ITGA2: variants seen among roughly 807,000 people sequenced by gnomAD.
ITGA2 encodes the protein integrin alpha-2.
Under a neutral mutation model 146.3 loss-of-function variants are expected in ITGA2, and 101 were observed. The observed-to-expected ratio is 0.69, with a 90% confidence interval of 0.59 to 0.81. ITGA2 has a LOEUF of 0.81. ITGA2 is among the 40% of genes least tolerant of loss of function. The pLI, the probability that ITGA2 is intolerant of heterozygous loss-of-function variation, is 0.00. For synonymous variants in ITGA2, 477 were observed against 487.1 expected, an observed-to-expected ratio of 0.98 and a Z score of 0.27; for missense variants, 1,281 against 1,402.7, an observed-to-expected ratio of 0.91 and a Z score of 1.39.
At chr5:53,083,950 C>T (rs985413913) in intron 27 of ITGA2, among the ~76,000 whole-genome samples, 15 of 152,306 alleles carry the variant, frequency 9.8e-5, no homozygotes, top group African/African-American at 2.9e-4. Flanking sequence ...CAGGTCATCA[C>T]CCTGCTCTCC....
chr5:53,062,846 G>A lies in ITGA2; in HGVS notation c.1519G>A (p.Asp507Asn). ...TGATGTGGATAAAGACACCATTACAGACGTGCTCTTGGTAGGTGCACCAAT... is the reference window on the plus strand; with the variant it reads ...TGATGTGGATAAAGACACCATTACAAACGTGCTCTTGGTAGGTGCACCAAT... ...SVDVDKDTITDVLLVGAPMYM... is the reference protein window; with the variant it reads ...SVDVDKDTITNVLLVGAPMYM... The change falls in exon 13 of 30, where the codon GAC becomes AAC. Residue 507 changes from aspartate (D) to asparagine (N), a missense_variant. This residue lies in a region of ITGA2 where 795 missense variants were observed against 841.7 expected (regional missense o/e 0.94). Transcript: ENST00000296585. 6.2e-7 allele frequency: 1 copy of A among 1,611,608 alleles called. No individual in the cohort carries two copies. The highest frequency in any genetic ancestry group is 8.5e-7 in the Non-Finnish European group (1 of 1,178,466).
At chr5:53,053,310 T>TTG (rs1744475402) in intron 7 of ITGA2, among the ~76,000 whole-genome samples, 1 of 152,204 alleles carries the variant, frequency 6.6e-6, no homozygotes, top group South Asian at 2.1e-4. Context: ...TGGTTCATCA[T>TTG]TACTGTCTCT....
At position 53,055,419 on chromosome 5, in the gene ITGA2, T is replaced by A. The variant is rs1579861587; in HGVS notation, c.780-119T>A. 21 of 835,760 alleles carry A rather than the reference T, an allele frequency of 2.5e-5. No homozygotes were observed. In the East Asian group the frequency reaches 5.5e-4, roughly 22 times the overall value. The allele number at this position is 835,760 out of a possible 1,614,324, so 51.8% of individuals were successfully genotyped here. A position where few individuals can be genotyped will look rare whatever the true frequency, so the allele number is the denominator to read the frequency against. On this transcript the variant is annotated intron_variant, in intron 7 of 29. Transcript: ENST00000296585. Reference sequence around the variant, plus strand: ...ATTAAATATGTCCTCAGAATTAATATGGAGTTACAATAGATTGTGTTTAAA... The same window carrying A: ...ATTAAATATGTCCTCAGAATTAATAAGGAGTTACAATAGATTGTGTTTAAA...
chr5:53,027,582 T>C (rs928291068), intron 2 of ITGA2, among the ~76,000 whole-genome samples: 1 of 152,200 alleles, frequency 6.6e-6, no homozygotes, highest in Non-Finnish European at 1.5e-5. Context: ...TTGAAAGTTG[T>C]ATTTGGGAAG....
At chr5:53,062,667 ACTTTG>A in intron 12 of ITGA2, 114 bp from the exon 13 acceptor site, 1 of 1,040,430 alleles carries the variant, frequency 9.6e-7, no homozygotes, top group Non-Finnish European at 1.5e-6. Context: ...TGTTCCAAGC[ACTTTG>A]CAAATAGTAA....
At chr5:53,051,939 A>T (rs920170269) in intron 7 of ITGA2, among the ~76,000 whole-genome samples, 1 of 152,118 alleles carries the variant, frequency 6.6e-6, no homozygotes, top group African/African-American at 2.4e-5. Context: ...ATTAACAAAG[A>T]CCACAGAATC....
At chr5:53,066,479 T>A (rs1052511169) in intron 15 of ITGA2, among the ~76,000 whole-genome samples, 2 of 151,884 alleles carry the variant, frequency 1.3e-5, no homozygotes, top group Admixed American at 6.6e-5. Context: ...GAGAACAGTG[T>A]GAAGGTCATG....
rs947197668 is a variant in ITGA2, at chr5:53,058,120, T to C, written c.1173+19T>C. ...TCAAAATGTGCGTATATCAGATAGC[T>C]TCAAGCCATGTTGTCATTTGGCATA... On this transcript the variant is annotated intron_variant, in intron 10 of 29. Coordinates refer to ENST00000296585, the MANE Select transcript of ITGA2 (RefSeq NM_002203.4). 3.2e-6 allele frequency: 5 copies of C among 1,576,634 alleles called. No individual in the cohort carries two copies. The highest frequency in any genetic ancestry group is 4.4e-6 in the Non-Finnish European group (5 of 1,146,944).
At chr5:53,030,829 T>TAAAA (rs1743190011) in intron 2 of ITGA2, among the ~76,000 whole-genome samples, 2 of 152,232 alleles carry the variant, frequency 1.3e-5, no homozygotes, top group Non-Finnish European at 2.9e-5. Context: ...TCTTTCAGTG[T>TAAAA]CACTAGCTAT....
chr5:52,989,586 T>C (rs1740816093), intron 1 of ITGA2, 54 bp downstream of exon 1: 11 of 1,590,408 alleles, frequency 6.9e-6, no homozygotes, highest in Non-Finnish European at 9.5e-6. Flanking sequence ...CGCGGCTTCC[T>C]GGGGCTCGCT....
chr5:53,013,812 C>A lies in ITGA2; in HGVS notation c.65-12936C>A, dbSNP rs186906170. Among the ~76,000 whole-genome samples the A allele has an allele frequency of 1.7e-4, 26 of 152,032 alleles. No individual in the cohort carries two copies. In the East Asian group the frequency reaches 4.6e-3, roughly 27 times the overall value. On this transcript the variant is annotated intron_variant, in intron 1 of 29. Coordinates refer to ENST00000296585, the MANE Select transcript of ITGA2 (RefSeq NM_002203.4). ...GTGTTTTATCAGTCTCTGTAGAGAT[C>A]TTTCACTTCCCTGGTTATCTGTACT... is the stretch of plus-strand genomic sequence containing the variant.
intron 10 of ITGA2, among the ~76,000 whole-genome samples, chr5:53,058,829 T>C (rs1236731474): frequency 6.6e-6 from 1 of 151,944 alleles, no homozygotes; most frequent in African/African-American, 2.4e-5. Context: ...TCCTTAGAGA[T>C]GCTCATAGAA....
chr5:53,088,627 A>G (rs1314405732), intron 28 of ITGA2, among the ~76,000 whole-genome samples: 2 of 150,974 alleles, frequency 1.3e-5, no homozygotes, highest in Non-Finnish European at 2.9e-5. Context: ...CAGAGGTTGC[A>G]ATGAGCTGAG....
chr5:53,051,625 T>G (rs1744370909), intron 7 of ITGA2, 66 bp downstream of exon 7: 1 of 1,496,682 alleles, frequency 6.7e-7, no homozygotes, highest in Non-Finnish European at 9.2e-7. Context: ...GTAATAAATA[T>G]GAAAAAGTAA....
At chr5:53,019,339 A>G (rs1024423999) in intron 1 of ITGA2, among the ~76,000 whole-genome samples, 4 of 152,140 alleles carry the variant, frequency 2.6e-5, no homozygotes, top group East Asian at 3.8e-4. Flanking sequence ...TCAAAAGTAA[A>G]TAAGTCATAA....
Position 53,061,336 on chromosome 5 carries a change from A to G in ITGA2, c.1458+290A>G, listed in dbSNP as rs3212540. Among the ~76,000 whole-genome samples, 624 of 152,020 alleles carry G rather than the reference A, an allele frequency of 4.1e-3. 4 individuals carry two copies. Among genetic ancestry groups the G allele is most frequent in the African/African-American group, 0.014 (588 of 41,520 alleles). On this transcript the variant is annotated intron_variant, in intron 12 of 29. Transcript: ENST00000296585. ...TTTCTGGACTCAGAGGCTGTCCTGA[A>G]TGATTACATCCCCTTCATGTTTTTG...
intron 3 of ITGA2, among the ~76,000 whole-genome samples, chr5:53,042,472 A>T (rs990455923): frequency 2.6e-5 from 4 of 152,138 alleles, no homozygotes; most frequent in African/African-American, 9.7e-5. Context: ...TTCCATCAAC[A>T]TTTAGAATAA....
At chr5:53,007,289 AG>A (rs1433156858) in intron 1 of ITGA2, among the ~76,000 whole-genome samples, 1 of 152,168 alleles carries the variant, frequency 6.6e-6, no homozygotes, top group East Asian at 1.9e-4. Context: ...AGGTATGCAC[AG>A]GCTAGGATGG....
At chr5:53,038,687 C>T (rs1463660792) in intron 2 of ITGA2, among the ~76,000 whole-genome samples, 3 of 152,170 alleles carry the variant, frequency 2.0e-5, no homozygotes, top group African/African-American at 7.2e-5. Context: ...GCGTTAAGAA[C>T]CTGGGCTTCC....
Sources: allele counts gnomAD v4.1 joint callset (sites outside exome capture counted in the v4.1 genomes callset), GRCh38; gene constraint gnomAD v4.1.1; regional missense constraint gnomAD v4.1.1; transcripts MANE v1.5; gene names NCBI Gene and HGNC (gene_info 2026-07-23, HGNC 2026-07-21).